Variants in SDHAF3 observed in about 807,000 individuals in gnomAD.
The protein encoded by SDHAF3 is succinate dehydrogenase complex assembly factor 3.
In SDHAF3, 18 loss-of-function variants were observed where a neutral mutation model predicts 11.5. The observed-to-expected ratio is 1.56, with a 90% CI of 1.08 to 2.32. The LOEUF (loss-of-function observed/expected upper bound fraction) is 2.32, where lower values mean the gene tolerates loss of function less well. SDHAF3 is among the 30% of genes most tolerant of loss of function. The pLI is 0.00. For synonymous variants in SDHAF3, 72 were observed against 59.3 expected (o/e 1.21, Z -0.99); for missense variants, 200 against 154.4 (o/e 1.30, Z -1.57).
At chr7:97,125,985 GT>G (rs948803574) in intron 1 of SDHAF3, among the ~76,000 whole-genome samples, 30 of 152,168 alleles carry the variant, frequency 2.0e-4, no homozygotes, top group African/African-American at 7.2e-4. Flanking sequence ...TTTGGATGGG[GT>G]TTTGTGTGAG....
chr7:97,180,733 C>T (rs897845230), intron 1 of SDHAF3, among the ~76,000 whole-genome samples: 6 of 152,154 alleles, frequency 3.9e-5, no homozygotes, highest in Non-Finnish European at 7.3e-5. Context: ...GTGGTTTATG[C>T]ATGCTTCTGA....
chr7:97,146,104 A>C (rs997557877), intron 1 of SDHAF3, among the ~76,000 whole-genome samples: 2 of 125,496 alleles, frequency 1.6e-5, no homozygotes, highest in African/African-American at 3.2e-5. Context: ...TGAAAACTTA[A>C]ATAGGCTTTC....
intron 1 of SDHAF3, among the ~76,000 whole-genome samples, chr7:97,127,381 GTTA>G (rs1791592468): frequency 6.6e-6 from 1 of 152,150 alleles, no homozygotes; most frequent in Non-Finnish European, 1.5e-5. Context: ...TGATAATTTA[GTTA>G]TTATAACATT....
chr7:97,165,447 C>T (rs555348817), intron 1 of SDHAF3, among the ~76,000 whole-genome samples: 5 of 126,166 alleles, frequency 4.0e-5, no homozygotes, highest in African/African-American at 1.5e-4. Context: ...ATTTGAAAAT[C>T]AACATTTGAC....
At chr7:97,142,749 C>CT (rs1470030772) in intron 1 of SDHAF3, 2 of 151,916 alleles carry the variant, frequency 1.3e-5, no homozygotes, top group African/African-American at 4.8e-5. Flanking sequence ...TGGAAAAGGC[C>CT]TAGAAGAGCC....
At chr7:97,169,508 A>C (rs10252691) in intron 1 of SDHAF3, among the ~76,000 whole-genome samples, 16,593 of 152,154 alleles carry the variant, frequency 0.11, 899 homozygotes, top group Middle Eastern at 0.16. Context: ...TTTTGGTGAC[A>C]GCTATAATGT....
intron 1 of SDHAF3, among the ~76,000 whole-genome samples, chr7:97,180,780 C>T (rs189658502): frequency 6.8e-4 from 103 of 152,160 alleles, no homozygotes; most frequent in South Asian, 3.5e-3. Flanking sequence ...TACTTATATC[C>T]AGGTTAAAAA....
chr7:97,117,896 A>C lies in SDHAF3; in HGVS notation c.173A>C (p.Glu58Ala). Residue 58 changes from glutamate (E) to alanine (A), a missense_variant and splice_region_variant, in exon 1 of 2, where the codon GAG becomes GCG. Physicochemically the swap from Glu to Ala is moderately radical, Grantham distance 107. Transcript: ENST00000432641. The stretch of plus-strand genomic sequence containing the variant: ...GCACAGCGTTTCTTGCAAGAATGGG[A>C]GGCAAGTGACGCTCCCTTCTCTTTG... ...DEAQRFLQEW[E>A]VYATALLQQA... is the part of the protein sequence containing the mutation. 6.2e-7 allele frequency: 1 copy of C among 1,613,914 alleles called. No individual in the cohort carries two copies. The highest frequency in any genetic ancestry group is 8.5e-7 in the Non-Finnish European group (1 of 1,179,838).
rs748954121 is a variant in SDHAF3 at position 97,117,712 on chromosome 7, G to A, written c.-12G>A. On this transcript the variant is annotated 5_prime_UTR_variant, in exon 1 of 2. Transcript: ENST00000432641. Reference sequence around the variant, plus strand: ...TCTGCGCAGGCGCAGTCGGCGGTCGGCGTGGGGCGCTATGCCGGGGCGGCA... The same window carrying A: ...TCTGCGCAGGCGCAGTCGGCGGTCGACGTGGGGCGCTATGCCGGGGCGGCA... The A allele has an allele frequency of 1.9e-6, 3 of 1,608,692 alleles. No individual in the cohort carries two copies.
At chr7:97,137,345 G>A (rs1788942236) in intron 1 of SDHAF3, among the ~76,000 whole-genome samples, 1 of 152,172 alleles carries the variant, frequency 6.6e-6, no homozygotes, top group African/African-American at 2.4e-5. Flanking sequence ...AATCAGGCCA[G>A]CTATATTTGT....
chr7:97,175,152 A>T (rs1789660940), intron 1 of SDHAF3, among the ~76,000 whole-genome samples: 2 of 152,214 alleles, frequency 1.3e-5, no homozygotes, highest in Admixed American at 1.3e-4. Flanking sequence ...AAGAAATCTA[A>T]TATAGTTCAT....
intron 1 of SDHAF3, among the ~76,000 whole-genome samples, chr7:97,155,222 C>A (rs1377434228): frequency 6.6e-6 from 1 of 152,154 alleles, no homozygotes; most frequent in Non-Finnish European, 1.5e-5. Context: ...CTTTTCTGTG[C>A]TGCATTGCTT....
chr7:97,125,195 A>T (rs1791557380), intron 1 of SDHAF3, among the ~76,000 whole-genome samples: 1 of 151,820 alleles, frequency 6.6e-6, no homozygotes. Flanking sequence ...CGATTCATGG[A>T]TTTTTTTGAA....
At chr7:97,180,870 A>G (rs1789760255) in intron 1 of SDHAF3, 142 bp from the exon 2 acceptor site, 5 of 709,602 alleles carry the variant, frequency 7.0e-6, no homozygotes, top group African/African-American at 1.8e-5. Context: ...TATCTTCACA[A>G]CTATATTTAT....
At chr7:97,157,192 T>G (rs1789315749) in intron 1 of SDHAF3, among the ~76,000 whole-genome samples, 1 of 152,164 alleles carries the variant, frequency 6.6e-6, no homozygotes, top group Non-Finnish European at 1.5e-5. Context: ...TCTAGTAGAG[T>G]ACTAAAAGAA....
At chr7:97,123,292 AG>A (rs1791528091) in intron 1 of SDHAF3, among the ~76,000 whole-genome samples, 4 of 152,254 alleles carry the variant, frequency 2.6e-5, no homozygotes, top group Admixed American at 2.0e-4. Flanking sequence ...GATGGTTTCC[AG>A]CTTCATCCAT....
At chr7:97,176,352 C>A (rs1211785803) in intron 1 of SDHAF3, among the ~76,000 whole-genome samples, 1 of 152,142 alleles carries the variant, frequency 6.6e-6, no homozygotes, top group African/African-American at 2.4e-5. Context: ...TTCTAACTTT[C>A]GGGATAGCAT....
At chr7:97,180,134 A>C (rs1325530256) in intron 1 of SDHAF3, among the ~76,000 whole-genome samples, 1 of 152,262 alleles carries the variant, frequency 6.6e-6, no homozygotes, top group Non-Finnish European at 1.5e-5. Context: ...AAATTAGAAC[A>C]TGAAAAAGTT....
chr7:97,129,138 G>A (rs1459933605), intron 1 of SDHAF3, among the ~76,000 whole-genome samples: 1 of 152,088 alleles, frequency 6.6e-6, no homozygotes, highest in Non-Finnish European at 1.5e-5. Context: ...CAAATGTCTT[G>A]AGAATTTTGG....
Sources: allele counts gnomAD v4.1 joint callset (sites outside exome capture counted in the v4.1 genomes callset), GRCh38; gene constraint gnomAD v4.1.1; transcripts MANE v1.5; gene names NCBI Gene and HGNC (gene_info 2026-07-23, HGNC 2026-07-21).